Variants in PCDH15 observed in about 807,000 individuals in gnomAD.
PCDH15 encodes the protein protocadherin-15.
Under a neutral mutation model 178.5 loss-of-function variants are expected in PCDH15, and 129 were observed. That is an observed-to-expected ratio of 0.72 (90% CI 0.63 to 0.84). PCDH15 has a LOEUF of 0.84. PCDH15 is among the 40% of genes least tolerant of loss of function. PCDH15 has a pLI of 0.00. For synonymous variants in PCDH15, 800 were observed against 732.0 expected (o/e 1.09, Z -1.50); for missense variants, 2,230 against 2,099.9 (o/e 1.06, Z -1.21).
At chr10:55,435,064 T>C (rs889442334) in intron 2 of PCDH15, among the ~76,000 whole-genome samples, 1 of 152,170 alleles carries the variant, frequency 6.6e-6, no homozygotes, top group Non-Finnish European at 1.5e-5. Flanking sequence ...AAAGTTTTAG[T>C]CAGGGAAAGA....
intron 25 of PCDH15, among the ~76,000 whole-genome samples, chr10:53,929,999 A>T (rs1194528596): frequency 6.6e-6 from 1 of 152,170 alleles, no homozygotes; most frequent in Non-Finnish European, 1.5e-5. Context: ...ACAAATATTA[A>T]CATAAGCTTC....
intron 2 of PCDH15, 39 bp downstream of exon 2, chr10:54,664,133 C>T: frequency 4.1e-6 from 6 of 1,454,282 alleles, no homozygotes; most frequent in East Asian, 2.3e-5. Flanking sequence ...TAATAAAAAT[C>T]CTGGCTCGCT....
chr10:55,037,522 G>A (rs1239739600), intron 2 of PCDH15, among the ~76,000 whole-genome samples: 1 of 152,136 alleles, frequency 6.6e-6, no homozygotes, highest in East Asian at 1.9e-4. Context: ...GTGAGCCACC[G>A]CACCCGGCCA....
chr10:54,103,887 G>T (rs1251799223), intron 15 of PCDH15, among the ~76,000 whole-genome samples: 1 of 151,892 alleles, frequency 6.6e-6, no homozygotes, highest in Non-Finnish European at 1.5e-5. Context: ...CCATTCCCAT[G>T]CCTGTTCTCC....
chr10:54,949,344 C>T (rs371304394), intron 2 of PCDH15, among the ~76,000 whole-genome samples: 20 of 151,882 alleles, frequency 1.3e-4, no homozygotes, highest in African/African-American at 4.6e-4. Flanking sequence ...GAGGAACTAC[C>T]AAACACTGAT....
intron 2 of PCDH15, among the ~76,000 whole-genome samples, chr10:54,633,614 G>A (rs913205670): frequency 3.3e-5 from 5 of 151,990 alleles, no homozygotes; most frequent in Non-Finnish European, 4.4e-5. Context: ...GAGGAAAAAA[G>A]GTTTGATGTG....
chr10:55,616,096 T>C (rs1475138247), intron 2 of PCDH15, among the ~76,000 whole-genome samples: 1 of 152,172 alleles, frequency 6.6e-6, no homozygotes, highest in African/African-American at 2.4e-5. Flanking sequence ...CAGCCCACCA[T>C]TACCATGCAG....
chr10:55,141,766 C>A (rs1838359179), intron 2 of PCDH15, among the ~76,000 whole-genome samples: 1 of 151,886 alleles, frequency 6.6e-6, no homozygotes, highest in Non-Finnish European at 1.5e-5. Flanking sequence ...ATGTAAATTG[C>A]ACAAAAGGAA....
chr10:55,297,941 T>C (rs1318465323), intron 1 of PCDH15, among the ~76,000 whole-genome samples: 3 of 152,110 alleles, frequency 2.0e-5, no homozygotes, highest in African/African-American at 7.2e-5. Context: ...AAACTGACCA[T>C]TCTAGAAGTA....
At chr10:54,167,054 A>C (rs1286944101) in intron 13 of PCDH15, among the ~76,000 whole-genome samples, 4 of 152,148 alleles carry the variant, frequency 2.6e-5, no homozygotes, top group African/African-American at 9.7e-5. Flanking sequence ...GCCCGCCTGC[A>C]CCTGGGTGAA....
intron 26 of PCDH15, among the ~76,000 whole-genome samples, chr10:53,892,778 G>T (rs1013298362): frequency 1.3e-5 from 2 of 152,092 alleles, no homozygotes; most frequent in African/African-American, 4.8e-5. Flanking sequence ...TATATAGGAG[G>T]AATAAGGTAA....
chr10:55,067,933 G>T (rs568770818), intron 2 of PCDH15, among the ~76,000 whole-genome samples: 1 of 151,702 alleles, frequency 6.6e-6, no homozygotes, highest in Non-Finnish European at 1.5e-5. Context: ...TTTTTAATGC[G>T]ATTATTTGTT....
chr10:54,352,461 A>T (rs1044640180), intron 5 of PCDH15, among the ~76,000 whole-genome samples: 1 of 152,144 alleles, frequency 6.6e-6, no homozygotes. Flanking sequence ...CTTCCTCAAG[A>T]ATCCAAGTTT....
At chr10:54,360,696 C>A (rs1243642853) in intron 5 of PCDH15, among the ~76,000 whole-genome samples, 1 of 152,008 alleles carries the variant, frequency 6.6e-6, no homozygotes, top group Non-Finnish European at 1.5e-5. Context: ...GATCCTACAT[C>A]ATCATCATCA....
chr10:55,546,374 C>T (rs886615905), intron 2 of PCDH15, among the ~76,000 whole-genome samples: 1 of 151,996 alleles, frequency 6.6e-6, no homozygotes, highest in Non-Finnish European at 1.5e-5. Context: ...TGAATAATTA[C>T]AAATTTATAG....
chr10:55,420,291 G>A (rs1372033175), intron 2 of PCDH15, among the ~76,000 whole-genome samples: 1 of 150,560 alleles, frequency 6.6e-6, no homozygotes, highest in African/African-American at 2.5e-5. Flanking sequence ...GAATTGAGTA[G>A]CTGGTAAAGC....
At chr10:53,953,938 C>A (rs968216820) in intron 23 of PCDH15, among the ~76,000 whole-genome samples, 1 of 152,056 alleles carries the variant, frequency 6.6e-6, no homozygotes, top group Non-Finnish European at 1.5e-5. Context: ...TATGGGCACC[C>A]GCCACCATGC....
intron 2 of PCDH15, among the ~76,000 whole-genome samples, chr10:54,622,699 T>A (rs1242477274): frequency 1.3e-5 from 1 of 74,260 alleles, no homozygotes; most frequent in Non-Finnish European, 2.4e-5. Context: ...TAATATATAT[T>A]TTCTATATAT....
chr10:54,910,127 C>G (rs1954794449), intron 2 of PCDH15, among the ~76,000 whole-genome samples: 1 of 152,102 alleles, frequency 6.6e-6, no homozygotes, highest in Non-Finnish European at 1.5e-5. Context: ...ACACAGGGGT[C>G]CCACTGCCAC....
Sources: allele counts gnomAD v4.1 joint callset (sites outside exome capture counted in the v4.1 genomes callset), GRCh38; gene constraint gnomAD v4.1.1; transcripts MANE v1.5; gene names NCBI Gene and HGNC (gene_info 2026-07-23, HGNC 2026-07-21).